COPS3: variants seen among roughly 807,000 people sequenced by gnomAD.
COPS3 encodes the protein COP9 signalosome subunit 3, also known as COP9 signalosome complex subunit 3.
Under a neutral mutation model 58.2 loss-of-function variants are expected in COPS3, and 10 were observed. The ratio of observed to expected loss-of-function variants is 0.17; its 90% CI spans 0.11 to 0.29. The LOEUF (loss-of-function observed/expected upper bound fraction) is 0.29. Ranked by LOEUF, COPS3 falls within the 10% of genes least tolerant of loss-of-function variation. The pLI is 1.00. For missense variants in COPS3, 333 were observed against 510.1 expected, an observed-to-expected ratio of 0.65 and a Z score of 3.34; for synonymous variants, 187 against 181.7, an observed-to-expected ratio of 1.03 and a Z score of -0.24.
chr17:17,276,654 C>T (rs1261297277), intron 1 of COPS3, among the ~76,000 whole-genome samples: 4 of 151,684 alleles, frequency 2.6e-5, no homozygotes, highest in Non-Finnish European at 5.9e-5. Context: ...CTACAACCTC[C>T]GCCCTCCAAG....
chr17:17,271,818 CA>C (rs890363919), intron 2 of COPS3, among the ~76,000 whole-genome samples: 9 of 123,812 alleles, frequency 7.3e-5, no homozygotes, highest in East Asian at 4.6e-4. Flanking sequence ...GAGACTGTCT[CA>C]AAAAAAAAAT....
intron 8 of COPS3, among the ~76,000 whole-genome samples, chr17:17,259,550 G>T (rs1397246937): frequency 1.3e-5 from 2 of 152,126 alleles, no homozygotes; most frequent in African/African-American, 4.8e-5. Context: ...CACAAAGTTT[G>T]TACAACCCTG....
Position 17,246,724 on chromosome 17 carries a change from A to G in COPS3, c.*374T>C. The G allele has an allele frequency of 5.3e-6, 1 of 189,696 alleles. No homozygotes were observed. Among genetic ancestry groups the G allele is most frequent in the East Asian group, 1.3e-4 (1 of 7,504 alleles). The allele number at this position is 189,696 out of a possible 1,614,324, so 11.8% of individuals were successfully genotyped here. On this transcript the variant is annotated 3_prime_UTR_variant, in exon 12 of 12. Transcript: ENST00000268717. ...ATAAATAAAAACCTTTCAGATCCAA[A>G]TCTTCCAAAAATTCCTAAAATCCAG...
intron 6 of COPS3, among the ~76,000 whole-genome samples, chr17:17,263,716 G>A (rs1229179593): frequency 2.0e-5 from 3 of 151,318 alleles, no homozygotes; most frequent in Non-Finnish European, 2.9e-5. Flanking sequence ...GTTTCTCCAC[G>A]TTGGTCAGGC....
At chr17:17,262,757 G>A (rs758251503) in intron 6 of COPS3, among the ~76,000 whole-genome samples, 2 of 151,564 alleles carry the variant, frequency 1.3e-5, no homozygotes, top group African/African-American at 2.4e-5. Flanking sequence ...TTGTAGAAAT[G>A]GAGTCTCACT....
At chr17:17,254,445 CT>C (rs2047917816) in intron 9 of COPS3, among the ~76,000 whole-genome samples, 1 of 152,098 alleles carries the variant, frequency 6.6e-6, no homozygotes, top group African/African-American at 2.4e-5. Context: ...CGCTTTTCTC[CT>C]TTTTAATATT....
intron 5 of COPS3, among the ~76,000 whole-genome samples, chr17:17,266,008 A>T (rs2048213846): frequency 6.6e-6 from 1 of 152,246 alleles, no homozygotes. Flanking sequence ...AGACATGCGT[A>T]CAAACTCACT....
intron 8 of COPS3, among the ~76,000 whole-genome samples, chr17:17,258,441 G>C (rs1451343584): frequency 6.6e-6 from 1 of 152,116 alleles, no homozygotes; most frequent in Admixed American, 6.5e-5. Flanking sequence ...TGGGATTACA[G>C]GTATGTGCCA....
In COPS3 at chr17:17,281,150, G is replaced by A; in HGVS notation, c.37C>T (p.Arg13Ter). ...SALEQFVNSV[R>*]QLSAQGQMTQ... ...GCGTTACCTTGAGCTGAGAGCTGTC[G>A]GACACTGTTCACGAACTGCTCCAGG... is the stretch of plus-strand genomic sequence containing the variant. The change falls in exon 1 of 12, where the codon CGA (arginine) becomes TGA (stop). Residue 13 changes from arginine to a stop codon, truncating the protein, a stop_gained. Coordinates refer to ENST00000268717, the MANE Select transcript of COPS3 (RefSeq NM_003653.4). LOFTEE classifies it high-confidence loss of function. The A allele has an allele frequency of 6.2e-7, 1 of 1,611,358 alleles. No individual in the cohort carries two copies. Among genetic ancestry groups the A allele is most frequent in the Non-Finnish European group, 8.5e-7 (1 of 1,179,018 alleles).
intron 7 of COPS3, 65 bp from the exon 8 acceptor site, chr17:17,260,539 C>CAT: frequency 2.0e-6 from 3 of 1,520,778 alleles, no homozygotes; most frequent in Non-Finnish European, 2.7e-6. Context: ...TGTGGGGACT[C>CAT]ACGCCTGTAA....
At chr17:17,263,510 C>CT (rs34755381) in intron 6 of COPS3, among the ~76,000 whole-genome samples, 150 of 98,880 alleles carry the variant, frequency 1.5e-3, no homozygotes, top group Non-Finnish European at 2.1e-3. Context: ...CTTGCCTTTT[C>CT]TTTTTTTTTT....
At chr17:17,255,461 G>A (rs1039559706) in intron 8 of COPS3, among the ~76,000 whole-genome samples, 2 of 138,104 alleles carry the variant, frequency 1.4e-5, no homozygotes, top group Non-Finnish European at 3.0e-5. Context: ...TCTCCAGCCT[G>A]GACGACAGAG....
At chr17:17,262,301 T>C (rs1477148618) in intron 6 of COPS3, among the ~76,000 whole-genome samples, 195 bp from the exon 7 acceptor site, 1 of 152,188 alleles carries the variant, frequency 6.6e-6, no homozygotes, top group African/African-American at 2.4e-5. Context: ...CGCTCTGTCA[T>C]CTAGGCTGGA....
At chr17:17,253,633 G>A (rs966494342) in intron 9 of COPS3, among the ~76,000 whole-genome samples, 14 of 152,178 alleles carry the variant, frequency 9.2e-5, no homozygotes, top group Admixed American at 5.9e-4. Context: ...GGCTAAGTCA[G>A]AATGTCAGTC....
chr17:17,277,266 T>C (rs147004617), intron 1 of COPS3, among the ~76,000 whole-genome samples: 2 of 152,222 alleles, frequency 1.3e-5, no homozygotes, highest in African/African-American at 4.8e-5. Context: ...CATGGGACTG[T>C]AGTGGTTAGG....
At position 17,247,074 on chromosome 17, in the gene COPS3, T is replaced by C. The variant is rs768730872; in HGVS notation, c.*24A>G. ...CTGGCCAAGATGGTAGTTTCTCTTGTTTAGCTCAGGATGGATGTTAGTTTC... is the reference window on the plus strand; with the variant it reads ...CTGGCCAAGATGGTAGTTTCTCTTGCTTAGCTCAGGATGGATGTTAGTTTC... On this transcript the variant is annotated 3_prime_UTR_variant, in exon 12 of 12. Transcript: ENST00000268717. The C allele has an allele frequency of 6.2e-7, 1 of 1,608,774 alleles. No homozygotes were observed. The highest frequency in any genetic ancestry group is 8.5e-7 in the Non-Finnish European group (1 of 1,175,132).
At chr17:17,260,115 G>C (rs780842313) in intron 8 of COPS3, among the ~76,000 whole-genome samples, 186 bp downstream of exon 8, 1 of 152,076 alleles carries the variant, frequency 6.6e-6, no homozygotes, top group Non-Finnish European at 1.5e-5. Context: ...CTCTAGCCCT[G>C]AAAAGACCAA....
chr17:17,263,995 G>A lies in COPS3; in HGVS notation c.621+807C>T, dbSNP rs553968899. 2.0e-5 allele frequency among the ~76,000 whole-genome samples: 3 copies of A among 152,292 alleles called. No homozygotes were observed. The South Asian group carries it at 6.2e-4, about 32-fold the overall frequency. ...TTGAAGATTTAACCTGACTAGACAC[G>A]TGCTTTAATGACACCATCTCTGCCT... is the stretch of plus-strand genomic sequence containing the variant. On this transcript the variant is annotated intron_variant, in intron 6 of 11. Coordinates refer to ENST00000268717, the MANE Select transcript of COPS3 (RefSeq NM_003653.4).
At chr17:17,248,275 G>C (rs2047765689) in intron 10 of COPS3, among the ~76,000 whole-genome samples, 1 of 152,178 alleles carries the variant, frequency 6.6e-6, no homozygotes, top group African/African-American at 2.4e-5. Context: ...AGTTAGCTGG[G>C]ATATCTAACC....
Sources: allele counts gnomAD v4.1 joint callset (sites outside exome capture counted in the v4.1 genomes callset), GRCh38; gene constraint gnomAD v4.1.1; transcripts MANE v1.5; gene names NCBI Gene and HGNC (gene_info 2026-07-23, HGNC 2026-07-21).